The following NBAS variants were observed in gnomAD, a reference collection of about 807,000 sequenced individuals.
NBAS encodes the protein NBAS subunit of NRZ tethering complex.
NBAS carries 219 observed loss-of-function variants against 302.5 expected under a neutral mutation model. The observed-to-expected ratio is 0.72, with a 90% confidence interval of 0.65 to 0.81. NBAS has a LOEUF of 0.81. NBAS is among the 30% of genes least tolerant of loss of function. The pLI is 0.00. For synonymous variants in NBAS, 1,118 were observed against 1,021.6 expected (o/e 1.09, Z -1.80); for missense variants, 2,932 against 2,841.6 (o/e 1.03, Z -0.72).
intron 44 of NBAS, among the ~76,000 whole-genome samples, chr2:15,256,259 G>C (rs969395465): frequency 6.6e-6 from 1 of 151,980 alleles, no homozygotes. Flanking sequence ...TCCAAGTAGA[G>C]ATCATTCACC....
intron 29 of NBAS, among the ~76,000 whole-genome samples, chr2:15,382,569 T>C (rs1308412304): frequency 6.6e-6 from 1 of 152,100 alleles, no homozygotes; most frequent in Non-Finnish European, 1.5e-5. Flanking sequence ...GAACAACGTG[T>C]GCAAAGTGAG....
chr2:15,199,275 C>T (rs1665769236), intron 48 of NBAS, among the ~76,000 whole-genome samples: 3 of 152,168 alleles, frequency 2.0e-5, no homozygotes, highest in African/African-American at 7.2e-5. Context: ...AAATGGGTCT[C>T]AGAGGCTTAC....
chr2:15,528,974 C>G (rs1420628170), intron 9 of NBAS, among the ~76,000 whole-genome samples: 1 of 150,660 alleles, frequency 6.6e-6, no homozygotes, highest in Non-Finnish European at 1.5e-5. Context: ...GAATTGCTCT[C>G]CATCTTTACA....
At chr2:15,045,219 T>C in the NBAS span, among the ~76,000 whole-genome samples, 1 of 152,204 alleles carries the variant, frequency 6.6e-6, no homozygotes, top group African/African-American at 2.4e-5. Context: ...CAATGCGACA[T>C]GATCCTGAGC....
chr2:15,113,061 A>T, the NBAS span, among the ~76,000 whole-genome samples: 2 of 152,118 alleles, frequency 1.3e-5, no homozygotes, highest in African/African-American at 2.4e-5. Flanking sequence ...TATGCAATTT[A>T]AAAAAACCTG....
At chr2:14,884,476 G>A in the NBAS span, among the ~76,000 whole-genome samples, 1 of 152,174 alleles carries the variant, frequency 6.6e-6, no homozygotes, top group Non-Finnish European at 1.5e-5. Flanking sequence ...CAATGAAGAA[G>A]AGGGTAGGCT....
the NBAS span, among the ~76,000 whole-genome samples, chr2:14,845,444 C>T: frequency 6.6e-6 from 1 of 152,168 alleles, no homozygotes; most frequent in Admixed American, 6.5e-5. Context: ...CAGGTACAAA[C>T]AAGGCCAGAT....
intron 47 of NBAS, among the ~76,000 whole-genome samples, chr2:15,220,278 C>G: frequency 6.6e-6 from 1 of 152,042 alleles, no homozygotes. Context: ...CCTCACCTCC[C>G]GGACGGGGCG....
chr2:15,197,168 T>C (rs1192207319), intron 48 of NBAS, among the ~76,000 whole-genome samples: 1 of 152,168 alleles, frequency 6.6e-6, no homozygotes, highest in Non-Finnish European at 1.5e-5. Context: ...ATGCTATATA[T>C]AAGAGCCGTC....
the NBAS span, among the ~76,000 whole-genome samples, chr2:15,026,033 T>C: frequency 3.9e-5 from 6 of 152,082 alleles, no homozygotes; most frequent in Non-Finnish European, 7.4e-5. Context: ...GACATCCCTG[T>C]CTTGTGCCAG....
At chr2:14,809,245 T>C in the NBAS span, among the ~76,000 whole-genome samples, 1 of 152,154 alleles carries the variant, frequency 6.6e-6, no homozygotes, top group Admixed American at 6.5e-5. Context: ...TCCAAGACAA[T>C]GGGGAAAATG....
At chr2:15,280,548 G>A (rs768393350) in intron 42 of NBAS, among the ~76,000 whole-genome samples, 17 of 152,172 alleles carry the variant, frequency 1.1e-4, no homozygotes, top group Non-Finnish European at 1.9e-4. Context: ...GAAGGAAGCT[G>A]AGGCTCAGAC....
At chr2:15,456,429 C>T (rs915697605) in intron 21 of NBAS, among the ~76,000 whole-genome samples, 2 of 152,202 alleles carry the variant, frequency 1.3e-5, no homozygotes, top group African/African-American at 4.8e-5. Context: ...ATCTACCCTT[C>T]TATGCACTTA....
At chr2:14,992,006 T>G in the NBAS span, among the ~76,000 whole-genome samples, 2 of 152,008 alleles carry the variant, frequency 1.3e-5, no homozygotes, top group Non-Finnish European at 2.9e-5. Flanking sequence ...GGAGATAGTG[T>G]GTGGAGATCA....
chr2:15,420,778 G>C (rs753587012), intron 23 of NBAS, among the ~76,000 whole-genome samples: 1 of 152,158 alleles, frequency 6.6e-6, no homozygotes, highest in Non-Finnish European at 1.5e-5. Context: ...GCCAAATCAT[G>C]TTCTGAGAAT....
At chr2:14,910,685 T>G in the NBAS span, among the ~76,000 whole-genome samples, 2 of 152,220 alleles carry the variant, frequency 1.3e-5, no homozygotes, top group African/African-American at 4.8e-5. Flanking sequence ...GATTTGGGTG[T>G]CAAAATGAAA....
At chr2:15,473,108 T>C (rs1680026772) in intron 16 of NBAS, 114 bp downstream of exon 16, 10 of 1,185,756 alleles carry the variant, frequency 8.4e-6, no homozygotes, top group Non-Finnish European at 1.2e-5. Flanking sequence ...TTGTACTTCA[T>C]TGGCTGTATT....
the NBAS span, among the ~76,000 whole-genome samples, chr2:15,120,331 C>T: frequency 2.6e-5 from 4 of 152,098 alleles, no homozygotes; most frequent in East Asian, 3.9e-4. Flanking sequence ...ATGTGGATAT[C>T]GTTATCCCCA....
chr2:15,091,025 A>T, the NBAS span, among the ~76,000 whole-genome samples: 1 of 152,192 alleles, frequency 6.6e-6, no homozygotes, highest in Non-Finnish European at 1.5e-5. Flanking sequence ...AACACAAACA[A>T]GACAAACTAT....
Sources: gnomAD v4.1 joint callset for allele counts (sites outside exome capture counted in the v4.1 genomes callset) on GRCh38, gnomAD v4.1.1 for gene constraint, MANE v1.5 for transcripts, NCBI Gene and HGNC (gene_info 2026-07-23, HGNC 2026-07-21) for gene names.